The following CYP2B6 variants were observed in gnomAD, a reference collection of about 807,000 sequenced individuals.
CYP2B6 encodes the protein cytochrome P450 2B6.
A neutral mutation model predicts 43.4 loss-of-function variants in CYP2B6; 35 were observed. The observed-to-expected ratio is 0.81, with a 90% CI of 0.62 to 1.07. CYP2B6 has a LOEUF of 1.07. Ranked by LOEUF, CYP2B6 falls within the 50% of genes least tolerant of loss-of-function variation. CYP2B6 has a pLI of 0.00. For synonymous variants in CYP2B6, 239 were observed against 239.2 expected (o/e 1.00, Z 0.01); for missense variants, 624 against 632.8 (o/e 0.99, Z 0.15).
In CYP2B6 at chr19:40,993,547, A is replaced by G. The variant is rs529658326; in HGVS notation, c.171+2071A>G. Among the ~76,000 whole-genome samples the G allele has an allele frequency of 3.3e-5, 5 of 152,252 alleles. No homozygotes were observed. The South Asian group carries it at 1.0e-3, about 32-fold the overall frequency. On this transcript the variant is annotated intron_variant, in intron 1 of 8. Transcript: ENST00000324071. ...ACTCACTCACTATCACAAGAACAGC[A>G]TGGGGGAAACCGCCCCCAGGATCCA...
intron 5 of CYP2B6, chr19:41,009,740 CGGGGACAAAAA>C (rs1185708240): frequency 5.0e-6 from 3 of 596,170 alleles, no homozygotes; most frequent in Admixed American, 6.0e-5. Flanking sequence ...CAGAAAGAGA[CGGGGACAAAAA>C]GAGAGAAACA....
chr19:41,012,059 C>T (rs1969292809), intron 6 of CYP2B6, among the ~76,000 whole-genome samples: 1 of 152,156 alleles, frequency 6.6e-6, no homozygotes, highest in African/African-American at 2.4e-5. Flanking sequence ...AGTGATTCTC[C>T]TGCCTCAGCC....
intron 7 of CYP2B6, 45 bp from the exon 8 acceptor site, chr19:41,012,629 T>G: frequency 6.2e-7 from 1 of 1,613,146 alleles, no homozygotes; most frequent in Non-Finnish European, 8.5e-7. Context: ...GTGTGGAGGG[T>G]TGGAGGGAAT....
At chr19:41,006,262 C>T (rs1969182801) in intron 3 of CYP2B6, among the ~76,000 whole-genome samples, 1 of 152,012 alleles carries the variant, frequency 6.6e-6, no homozygotes, top group Non-Finnish European at 1.5e-5. Flanking sequence ...ATGTGATCCT[C>T]CCACTTCAGC....
chr19:41,015,822 GCAGTAACCAAA>G (rs1211383555), intron 8 of CYP2B6, among the ~76,000 whole-genome samples: 1 of 148,556 alleles, frequency 6.7e-6, no homozygotes, highest in Non-Finnish European at 1.5e-5. Flanking sequence ...CAAACACAAG[GCAGTAACCAAA>G]CCTTAAGCCT....
chr19:41,006,139 G>A (rs747834540), intron 3 of CYP2B6, among the ~76,000 whole-genome samples: 25 of 151,954 alleles, frequency 1.6e-4, no homozygotes, highest in Non-Finnish European at 3.4e-4. Flanking sequence ...ATAGGTAGGG[G>A]TGGAAAGATG....
Position 41,006,953 on chromosome 19 carries a change from T to C in CYP2B6, c.533T>C (p.Ile178Thr). ...TFLFQSITANIICSIVFGKRF... is the reference protein window; with the variant it reads ...TFLFQSITANTICSIVFGKRF... ...CTCTTCCAGTCCATTACCGCCAACA[T>C]CATCTGCTCCATCGTCTTTGGAAAA... The change falls in exon 4 of 9, where the codon ATC (isoleucine) becomes ACC (threonine). Residue 178 changes from isoleucine to threonine, a missense_variant. Physicochemically the swap from Ile to Thr is moderately conservative, Grantham distance 89. Coordinates refer to ENST00000324071, the MANE Select transcript of CYP2B6 (RefSeq NM_000767.5). 1 of 1,614,002 alleles carries C rather than the reference T, an allele frequency of 6.2e-7. No individual in the cohort carries two copies. Among genetic ancestry groups the C allele is most frequent in the East Asian group, 2.2e-5 (1 of 44,872 alleles).
chr19:40,991,423 T>C lies in CYP2B6; in HGVS notation c.118T>C (p.Leu40=). 6.2e-7 allele frequency: 1 copy of C among 1,614,020 alleles called. No individual in the cohort carries two copies. Among genetic ancestry groups the C allele is most frequent in the South Asian group, 1.1e-5 (1 of 91,074 alleles). ...ACCAGGGCCCCGCCCTCTGCCCCTT[T>C]TGGGAAACCTTCTGCAGATGGATAG... is the stretch of plus-strand genomic sequence containing the variant. ...LPPGPRPLPL[L]GNLLQMDRRG... The change falls in exon 1 of 9, where the codon TTG becomes CTG. Residue 40 remains leucine (L), a synonymous_variant. Coordinates refer to ENST00000324071, the MANE Select transcript of CYP2B6 (RefSeq NM_000767.5).
intron 4 of CYP2B6, chr19:41,007,275 G>A: frequency 1.7e-6 from 1 of 582,578 alleles, no homozygotes; most frequent in South Asian, 2.1e-5. Context: ...GAGGCGTGAT[G>A]GGGAGGCAGA....
intron 8 of CYP2B6, 149 bp downstream of exon 8, chr19:41,012,964 C>T (rs1969308633): frequency 2.1e-6 from 2 of 932,222 alleles, no homozygotes; most frequent in African/African-American, 1.6e-5. Context: ...TTCACTACAA[C>T]CCTATAAGGA....
At chr19:40,992,587 C>A (rs1033176977) in intron 1 of CYP2B6, among the ~76,000 whole-genome samples, 7 of 151,984 alleles carry the variant, frequency 4.6e-5, no homozygotes, top group Non-Finnish European at 8.8e-5. Context: ...GGCATGATCA[C>A]GTCTCACTGC....
rs963414301 is a variant in CYP2B6 at position 40,991,320 on chromosome 19, C to T, written c.15C>T (p.Val5=). Residue 5 remains valine, a synonymous_variant, in exon 1 of 9, where the codon GTC becomes GTT. Transcript: ENST00000324071. ...AGACCAGGACCATGGAACTCAGCGTCCTCCTCTTCCTTGCACTCCTCACAG... is the reference window on the plus strand; with the variant it reads ...AGACCAGGACCATGGAACTCAGCGTTCTCCTCTTCCTTGCACTCCTCACAG... MELS[V]LLFLALLTGL... 4 of 1,613,942 alleles carry T rather than the reference C, an allele frequency of 2.5e-6. No individual in the cohort carries two copies. Among genetic ancestry groups the T allele is most frequent in the Non-Finnish European group, 3.4e-6 (4 of 1,180,028 alleles).
At chr19:40,995,226 T>A (rs1452116433) in intron 1 of CYP2B6, among the ~76,000 whole-genome samples, 1 of 152,180 alleles carries the variant, frequency 6.6e-6, no homozygotes, top group East Asian at 1.9e-4. Context: ...GCTGTCCGCA[T>A]ATAAGATGCC....
At chr19:41,010,412 T>G (rs1285504270) in intron 6 of CYP2B6, among the ~76,000 whole-genome samples, 3 of 151,518 alleles carry the variant, frequency 2.0e-5, no homozygotes, top group East Asian at 1.9e-4. Flanking sequence ...TTTTTTGGTT[T>G]TTTTTTTTTT....
In CYP2B6 at chr19:41,004,443, A is replaced by G. The variant is rs1374229248; in HGVS notation, c.481A>G (p.Lys161Glu). 6.2e-7 allele frequency: 1 copy of G among 1,613,738 alleles called. No homozygotes were observed. The highest frequency in any genetic ancestry group is 1.7e-5 in the Admixed American group (1 of 59,942). Residue 161 changes from lysine to glutamate, a missense_variant, in exon 3 of 9, where the codon AAG becomes GAG. Lys to Glu is a moderately conservative substitution (Grantham distance 56). Transcript: ENST00000324071. Reference protein sequence around the residue: ...QCLIEELRKSKGALMDPTFLF... With the variant: ...QCLIEELRKSEGALMDPTFLF... ...TCTGATAGAGGAGCTTCGGAAATCC[A>G]AGGGTGAGTCCTGGGGGATGAATAG...
At chr19:41,010,268 A>G (rs1969260396) in intron 6 of CYP2B6, 133 bp downstream of exon 6, 1 of 1,095,930 alleles carries the variant, frequency 9.1e-7, no homozygotes. Context: ...GCTCTGGGCT[A>G]GATTCCAACC....
intron 1 of CYP2B6, among the ~76,000 whole-genome samples, chr19:40,992,660 C>T (rs766746984): frequency 6.6e-6 from 1 of 152,052 alleles, no homozygotes; most frequent in Non-Finnish European, 1.5e-5. Flanking sequence ...GCTGGAACTA[C>T]AGGTGCATGC....
At chr19:40,997,126 C>A (rs1969009558) in intron 1 of CYP2B6, among the ~76,000 whole-genome samples, 1 of 151,804 alleles carries the variant, frequency 6.6e-6, no homozygotes, top group Non-Finnish European at 1.5e-5. Flanking sequence ...TCTTGCTGTG[C>A]CAATGAGAGA....
At chr19:41,013,156 A>G (rs1338794275) in intron 8 of CYP2B6, 7 of 293,452 alleles carry the variant, frequency 2.4e-5, no homozygotes, top group African/African-American at 1.1e-4. Flanking sequence ...CAAGTCACAC[A>G]GAGACAGGGT....
Sources: gnomAD v4.1 joint callset for allele counts (sites outside exome capture counted in the v4.1 genomes callset) on GRCh38, gnomAD v4.1.1 for gene constraint, MANE v1.5 for transcripts, NCBI Gene and HGNC (gene_info 2026-07-23, HGNC 2026-07-21) for gene names.